The following TYW3 variants were observed in gnomAD, a reference collection of about 807,000 sequenced individuals.
TYW3 encodes tRNA-yW synthesizing protein 3 homolog.
A neutral mutation model predicts 23.1 loss-of-function variants in TYW3; 26 were observed. The ratio of observed to expected loss-of-function variants is 1.13; its 90% CI spans 0.83 to 1.56. The LOEUF is 1.56. Ranked by LOEUF, TYW3 falls within the 40% of genes most tolerant of loss-of-function variation. The pLI is 0.00. For synonymous variants in TYW3, 102 were observed against 105.7 expected (o/e 0.97, Z 0.21); for missense variants, 316 against 311.9 (o/e 1.01, Z -0.10).
intron 3 of TYW3, among the ~76,000 whole-genome samples, chr1:74,745,455 C>T (rs1648533031): frequency 6.6e-6 from 1 of 152,008 alleles, no homozygotes; most frequent in Non-Finnish European, 1.5e-5. Context: ...TTTAGCTAGA[C>T]ACAGAGCACT....
chr1:74,763,498 T>G (rs768266176), intron 5 of TYW3, among the ~76,000 whole-genome samples: 4 of 152,146 alleles, frequency 2.6e-5, no homozygotes, highest in Non-Finnish European at 4.4e-5. Flanking sequence ...ATTAATAAAC[T>G]GAAAAGAAAA....
intron 5 of TYW3, among the ~76,000 whole-genome samples, chr1:74,755,938 T>G (rs1570076546): frequency 6.6e-6 from 1 of 152,140 alleles, no homozygotes; most frequent in Admixed American, 6.5e-5. Context: ...TGGGGGCAGG[T>G]CTTTCCTGTG....
At chr1:74,748,240 G>A (rs1252562790) in intron 3 of TYW3, among the ~76,000 whole-genome samples, 1 of 152,180 alleles carries the variant, frequency 6.6e-6, no homozygotes, top group Non-Finnish European at 1.5e-5. Context: ...AGGGACCCAT[G>A]TCTGCTCCCC....
intron 3 of TYW3, among the ~76,000 whole-genome samples, chr1:74,746,210 G>A (rs1030467796): frequency 6.6e-6 from 1 of 152,220 alleles, no homozygotes; most frequent in African/African-American, 2.4e-5. Flanking sequence ...ATTATTTTAA[G>A]CCATGAGCCT....
At chr1:74,751,057 C>T (rs1289130136) in intron 4 of TYW3, 2 of 152,102 alleles carry the variant, frequency 1.3e-5, no homozygotes, top group Non-Finnish European at 2.9e-5. Flanking sequence ...GGTGATCCAT[C>T]TTCCTTGGCC....
chr1:74,761,230 AG>A (rs1295427194), intron 5 of TYW3, among the ~76,000 whole-genome samples: 21 of 152,290 alleles, frequency 1.4e-4, no homozygotes, highest in Non-Finnish European at 2.9e-5. Context: ...CTCTTAGAAA[AG>A]GGAAAGGAAA....
chr1:74,749,835 G>A (rs1273444725), intron 4 of TYW3, among the ~76,000 whole-genome samples: 2 of 151,962 alleles, frequency 1.3e-5, no homozygotes, highest in Non-Finnish European at 2.9e-5. Flanking sequence ...GCGTAGCTGT[G>A]GTCCCAGCTA....
At chr1:74,745,204 T>G (rs1648514765) in intron 3 of TYW3, among the ~76,000 whole-genome samples, 1 of 152,220 alleles carries the variant, frequency 6.6e-6, no homozygotes, top group Non-Finnish European at 1.5e-5. Context: ...AAGGGTAGTG[T>G]GGGCCCAAAG....
rs1648256668 is a variant in TYW3 at position 74,738,924 on chromosome 1, T to A, written c.354+136T>A. 8.6e-6 allele frequency: 4 copies of A among 466,284 alleles called. No homozygotes were observed. In the East Asian group the frequency reaches 1.4e-4, roughly 16 times the overall value. The allele number at this position is 466,284 out of a possible 1,614,324, so 28.9% of individuals were successfully genotyped here. ...ATGTATATATTATTTATTGGTCTGC[T>A]CAATCTATTAATTTTTAATATTAGA... On this transcript the variant is annotated intron_variant, in intron 3 of 5. Transcript: ENST00000370867.
At chr1:74,736,517 T>TA in intron 1 of TYW3, 25 bp from the exon 2 acceptor site, 1 of 1,536,118 alleles carries the variant, frequency 6.5e-7, no homozygotes, top group African/African-American at 1.4e-5. Context: ...ATATGAAACT[T>TA]AAATTATGTT....
At position 74,733,293 on chromosome 1, in the gene TYW3, A is replaced by G; in HGVS notation, c.49A>G (p.Lys17Glu). Residue 17 changes from lysine (K) to glutamate (E), a missense_variant, in exon 1 of 6, where the codon AAA (lysine) becomes GAA (glutamate). Physicochemically the swap from Lys to Glu is moderately conservative, Grantham distance 56 (BLOSUM62 1). Coordinates refer to ENST00000370867, the MANE Select transcript of TYW3 (RefSeq NM_138467.3). ...FRKWKAQCLS[K>E]ADLSRKGSVD... The stretch of plus-strand genomic sequence containing the variant: ...GAAATGGAAGGCGCAATGTTTGAGC[A>G]AAGCGGACCTCAGCCGGAAGGGCAG... 6.2e-7 allele frequency: 1 copy of G among 1,614,224 alleles called. No homozygotes were observed. Among genetic ancestry groups the G allele is most frequent in the Non-Finnish European group, 8.5e-7 (1 of 1,180,040 alleles).
At chr1:74,747,095 A>C (rs1236162054) in intron 3 of TYW3, among the ~76,000 whole-genome samples, 1 of 152,176 alleles carries the variant, frequency 6.6e-6, no homozygotes, top group Non-Finnish European at 1.5e-5. Flanking sequence ...AGTCTGTAAG[A>C]ATGGTTTGAA....
At chr1:74,735,451 G>A (rs1222623692) in intron 1 of TYW3, among the ~76,000 whole-genome samples, 1 of 152,134 alleles carries the variant, frequency 6.6e-6, no homozygotes, top group South Asian at 2.1e-4. Flanking sequence ...GACTGCTTCT[G>A]TACTGGTTAG....
intron 5 of TYW3, among the ~76,000 whole-genome samples, chr1:74,753,826 T>C (rs944778128): frequency 6.6e-6 from 1 of 152,170 alleles, no homozygotes; most frequent in East Asian, 1.9e-4. Flanking sequence ...ACAAAGTTAT[T>C]TGAGTGACTA....
chr1:74,755,402 T>C (rs563995200), intron 5 of TYW3, among the ~76,000 whole-genome samples: 19 of 152,340 alleles, frequency 1.2e-4, no homozygotes, highest in East Asian at 9.6e-4. Context: ...TCCACTATTA[T>C]AGGTAATTCA....
Position 74,758,070 on chromosome 1 carries a change from C to T in TYW3, c.560+5645C>T, listed in dbSNP as rs558524877. Among the ~76,000 whole-genome samples the T allele has an allele frequency of 8.5e-5, 13 of 152,298 alleles. No homozygotes were observed. In the South Asian group the frequency reaches 1.5e-3, roughly 17 times the overall value. On this transcript the variant is annotated intron_variant, in intron 5 of 5. Coordinates refer to ENST00000370867, the MANE Select transcript of TYW3 (RefSeq NM_138467.3). The stretch of plus-strand genomic sequence containing the variant: ...CATAAATAGGGATCAGTGAATGGTT[C>T]GGTTTACCTAGAAGATGAGAGAGTA...
intron 3 of TYW3, among the ~76,000 whole-genome samples, chr1:74,746,289 G>A (rs1366310468): frequency 6.6e-6 from 1 of 152,228 alleles, no homozygotes; most frequent in Non-Finnish European, 1.5e-5. Context: ...CGAGCATTTA[G>A]AGACAGTCTC....
At chr1:74,752,661 C>A (rs894362245) in intron 5 of TYW3, among the ~76,000 whole-genome samples, 3 of 152,132 alleles carry the variant, frequency 2.0e-5, no homozygotes, top group African/African-American at 7.2e-5. Flanking sequence ...GGATGGTAGG[C>A]ACGTGACCAC....
In TYW3 at chr1:74,738,667, G is replaced by T; in HGVS notation, c.256-23G>T. ...AAGGACAGGCCATATACTTGCATCT[G>T]ATACCACTGTTCATTTATTTAGATT... On this transcript the variant is annotated intron_variant, in intron 2 of 5. Transcript: ENST00000370867. 3 of 1,569,016 alleles carry T rather than the reference G, an allele frequency of 1.9e-6. No individual in the cohort carries two copies. In the South Asian group the frequency reaches 3.5e-5, roughly 18 times the overall value.
Sources: allele counts gnomAD v4.1 joint callset (sites outside exome capture counted in the v4.1 genomes callset), GRCh38; gene constraint gnomAD v4.1.1; transcripts MANE v1.5; gene names NCBI Gene and HGNC (gene_info 2026-07-23, HGNC 2026-07-21).